ATXN7L1: variants seen among roughly 807,000 people sequenced by gnomAD.
The protein encoded by ATXN7L1 is ataxin-7-like protein 1.
ATXN7L1 carries 15 observed loss-of-function variants against 70.8 expected under a neutral mutation model. The observed-to-expected ratio is 0.21, with a 90% CI of 0.14 to 0.33. The LOEUF is 0.33. Ranked by LOEUF, ATXN7L1 falls within the 10% of genes least tolerant of loss-of-function variation. The pLI, the probability that ATXN7L1 is intolerant of heterozygous loss-of-function variation, is 1.00. For missense variants in ATXN7L1, 975 were observed against 1,097.1 expected, an observed-to-expected ratio of 0.89 and a Z score of 1.57; for synonymous variants, 440 against 445.1, an observed-to-expected ratio of 0.99 and a Z score of 0.14.
chr7:105,660,781 C>A (rs1801488613), intron 4 of ATXN7L1, among the ~76,000 whole-genome samples: 1 of 152,018 alleles, frequency 6.6e-6, no homozygotes, highest in African/African-American at 2.4e-5. Context: ...CAGGGTTTCA[C>A]CATGTTGGTC....
intron 4 of ATXN7L1, among the ~76,000 whole-genome samples, chr7:105,657,122 G>A (rs1393252572): frequency 1.3e-5 from 2 of 152,172 alleles, no homozygotes; most frequent in East Asian, 3.8e-4. Flanking sequence ...CCAGTAGGGG[G>A]CGATACAGAG....
At chr7:105,850,108 T>C (rs540126357) in intron 2 of ATXN7L1, among the ~76,000 whole-genome samples, 3 of 152,218 alleles carry the variant, frequency 2.0e-5, no homozygotes, top group Non-Finnish European at 4.4e-5. Flanking sequence ...TAACAATGTA[T>C]TTTCTGATAA....
chr7:105,754,636 T>A (rs534237910), intron 3 of ATXN7L1, among the ~76,000 whole-genome samples: 87 of 152,292 alleles, frequency 5.7e-4, no homozygotes, highest in Non-Finnish European at 9.6e-4. Context: ...ATTTTAAATT[T>A]TTTTGTAGAG....
chr7:105,765,075 C>T (rs986803919), intron 3 of ATXN7L1, among the ~76,000 whole-genome samples: 2 of 152,158 alleles, frequency 1.3e-5, no homozygotes, highest in African/African-American at 4.8e-5. Context: ...TGGCTCACAC[C>T]TGTAATCCCA....
At chr7:105,790,416 G>A (rs763656622) in intron 2 of ATXN7L1, among the ~76,000 whole-genome samples, 1 of 151,904 alleles carries the variant, frequency 6.6e-6, no homozygotes, top group South Asian at 2.1e-4. Context: ...CCATCTCTAC[G>A]AAAAATGTAC....
At chr7:105,775,239 C>T (rs752895888) in intron 3 of ATXN7L1, among the ~76,000 whole-genome samples, 7 of 152,194 alleles carry the variant, frequency 4.6e-5, no homozygotes, top group Admixed American at 6.5e-5. Context: ...ACGGTATTCC[C>T]CGATTCTAGG....
At position 105,761,436 on chromosome 7, in the gene ATXN7L1, T is replaced by C. The variant is rs537969041; in HGVS notation, c.355+27168A>G. Reference sequence around the variant, plus strand: ...CTCTGGTCCACTCCTGGAGATGCCTTCATTTCTCCTGTTGTCTTGCTTTCT... The same window carrying C: ...CTCTGGTCCACTCCTGGAGATGCCTCCATTTCTCCTGTTGTCTTGCTTTCT... On this transcript the variant is annotated intron_variant, in intron 3 of 11. Transcript: ENST00000419735. 5 of 1,614,172 alleles carry C rather than the reference T, an allele frequency of 3.1e-6. No individual in the cohort carries two copies. The African/African-American group carries it at 5.3e-5, about 17-fold the overall frequency.
chr7:105,808,758 G>A (rs918047375), intron 2 of ATXN7L1, among the ~76,000 whole-genome samples: 1 of 152,218 alleles, frequency 6.6e-6, no homozygotes, highest in African/African-American at 2.4e-5. Context: ...TGCTTTTACA[G>A]ATCAAGTGCC....
In ATXN7L1 at chr7:105,638,458, G is replaced by C. The variant is rs1797700966; in HGVS notation, c.1097C>G (p.Ser366Cys). 1 of 1,552,356 alleles carries C rather than the reference G, an allele frequency of 6.4e-7. No individual in the cohort carries two copies. The highest frequency in any genetic ancestry group is 2.0e-5 in the Admixed American group (1 of 51,012). The change falls in exon 7 of 12, where the codon TCC becomes TGC. Residue 366 changes from serine to cysteine, a missense_variant. Around this residue, in one of 5 missense-constraint regions of ATXN7L1, gnomAD observed 635 missense variants for 699.4 expected, o/e 0.91. Transcript: ENST00000419735. Reference sequence around the variant, plus strand: ...TAGCAGAGAATCCTGTGCCGGCCCGGATTGGCTTGGAAGTATTTCCCTCGT... The same window carrying C: ...TAGCAGAGAATCCTGTGCCGGCCCGCATTGGCTTGGAAGTATTTCCCTCGT... ...TSTREILPSQ[S>C]GPAQDSLLGS...
At chr7:105,641,319 T>C (rs1798209493) in intron 5 of ATXN7L1, among the ~76,000 whole-genome samples, 1 of 98,720 alleles carries the variant, frequency 1.0e-5, no homozygotes, top group South Asian at 4.3e-4. Flanking sequence ...CCAGGCTGCC[T>C]GGTGTGGTGT....
rs1446571534 is a variant in ATXN7L1 at position 105,605,484 on chromosome 7, G to C, written c.*2368C>G. On this transcript the variant is annotated 3_prime_UTR_variant, in exon 12 of 12. Coordinates refer to ENST00000419735, the MANE Select transcript of ATXN7L1 (RefSeq NM_020725.2). The stretch of plus-strand genomic sequence containing the variant: ...CAGCATTCGATGAGGGTGGGGGGGG[G>C]GGTGGGGGCTCTTTATTCCAGCTTC... 1 of 92,242 alleles carries C rather than the reference G, an allele frequency of 1.1e-5. No individual in the cohort carries two copies. Among genetic ancestry groups the C allele is most frequent in the African/African-American group, 3.9e-5 (1 of 25,584 alleles). The allele number at this position is 92,242 out of a possible 1,614,324, so 5.7% of individuals were successfully genotyped here. A position where few individuals can be genotyped will look rare whatever the true frequency, so the allele number is the denominator to read the frequency against.
chr7:105,711,732 G>A (rs1222886433), intron 3 of ATXN7L1, among the ~76,000 whole-genome samples: 3 of 152,256 alleles, frequency 2.0e-5, no homozygotes, highest in African/African-American at 4.8e-5. Flanking sequence ...TTGAGTGCCT[G>A]TGGCACTTCC....
intron 2 of ATXN7L1, among the ~76,000 whole-genome samples, chr7:105,858,735 G>C (rs1295048643): frequency 6.6e-6 from 1 of 152,142 alleles, no homozygotes; most frequent in African/African-American, 2.4e-5. Context: ...AAAATGTTGA[G>C]TCTGAATCCA....
chr7:105,728,934 G>C (rs1227504084), intron 3 of ATXN7L1, among the ~76,000 whole-genome samples: 2 of 152,026 alleles, frequency 1.3e-5, no homozygotes, highest in African/African-American at 4.8e-5. Context: ...ACAAAATAAA[G>C]ATCTATGAGT....
intron 3 of ATXN7L1, among the ~76,000 whole-genome samples, chr7:105,678,849 G>C (rs1348837948): frequency 2.6e-5 from 4 of 152,178 alleles, no homozygotes; most frequent in African/African-American, 9.7e-5. Context: ...TTCTGAGGCA[G>C]CTACTCTCCC....
At chr7:105,660,285 C>A (rs1273069183) in intron 4 of ATXN7L1, among the ~76,000 whole-genome samples, 1 of 152,086 alleles carries the variant, frequency 6.6e-6, no homozygotes, top group Non-Finnish European at 1.5e-5. Context: ...TTTAACACCG[C>A]TTTGAAATTT....
chr7:105,772,358 G>A (rs1485597340), intron 3 of ATXN7L1, among the ~76,000 whole-genome samples: 1 of 152,170 alleles, frequency 6.6e-6, no homozygotes, highest in Admixed American at 6.5e-5. Flanking sequence ...ATAGGCATCA[G>A]CCACTGTGCC....
chr7:105,733,932 TCATCCATCCATCCATCCATC>T (rs76828507), intron 3 of ATXN7L1, among the ~76,000 whole-genome samples: 1 of 96,666 alleles, frequency 1.0e-5, no homozygotes, highest in Non-Finnish European at 2.1e-5. Context: ...CCATCATCCA[TCATCCATCCATCCATCCATC>T]CATCCATCCA....
chr7:105,810,011 A>G (rs187439151), intron 2 of ATXN7L1, among the ~76,000 whole-genome samples: 2 of 152,270 alleles, frequency 1.3e-5, no homozygotes, highest in East Asian at 3.9e-4. Flanking sequence ...GACTCAAATG[A>G]TCCTCCAGCC....
Sources: allele counts gnomAD v4.1 joint callset (sites outside exome capture counted in the v4.1 genomes callset), GRCh38; gene constraint gnomAD v4.1.1; regional missense constraint gnomAD v4.1.1; transcripts MANE v1.5; gene names NCBI Gene and HGNC (gene_info 2026-07-23, HGNC 2026-07-21).